The following RGS5 variants were observed in gnomAD, a reference collection of about 807,000 sequenced individuals.
RGS5 encodes the protein regulator of G protein signaling 5.
In RGS5, 20 loss-of-function variants were observed where a neutral mutation model predicts 18.9. The ratio of observed to expected loss-of-function variants is 1.06; its 90% CI spans 0.74 to 1.54. RGS5 has a LOEUF of 1.54. RGS5 is among the 40% of genes most tolerant of loss of function. The pLI is 0.00. For missense variants in RGS5, 201 were observed against 211.8 expected (o/e 0.95, Z 0.32); for synonymous variants, 57 against 76.2 (o/e 0.75, Z 1.31).
chr1:163,252,020 C>A (rs149561875), intron 2 of RGS5, among the ~76,000 whole-genome samples: 151 of 152,222 alleles, frequency 9.9e-4, no homozygotes, highest in African/African-American at 3.5e-3. Flanking sequence ...GATTAACACC[C>A]AGGAACATGA....
intron 2 of RGS5, among the ~76,000 whole-genome samples, chr1:163,292,780 C>CT (rs1649322651): frequency 1.3e-5 from 2 of 152,146 alleles, no homozygotes; most frequent in Admixed American, 6.6e-5. Flanking sequence ...TGGTATTGAG[C>CT]TTTTCTTCAT....
chr1:163,312,793 T>A (rs1649903983), intron 1 of RGS5, among the ~76,000 whole-genome samples: 1 of 152,228 alleles, frequency 6.6e-6, no homozygotes, highest in South Asian at 2.1e-4. Context: ...TGGTAAGTAA[T>A]CTGTCCTAAC....
intron 2 of RGS5, among the ~76,000 whole-genome samples, chr1:163,277,847 A>T (rs1366171437): frequency 6.6e-6 from 1 of 152,154 alleles, no homozygotes; most frequent in Non-Finnish European, 1.5e-5. Context: ...CCAATCAGAA[A>T]TCCTGGAACT....
intron 2 of RGS5, among the ~76,000 whole-genome samples, chr1:163,289,238 T>C (rs1379533275): frequency 6.6e-6 from 1 of 151,840 alleles, no homozygotes; most frequent in African/African-American, 2.4e-5. Flanking sequence ...TTTCTGCTTG[T>C]TTGTTCATAT....
chr1:163,220,614 T>C (rs1473555744), upstream of RGS5, among the ~76,000 whole-genome samples: 1 of 152,196 alleles, frequency 6.6e-6, no homozygotes, highest in African/African-American at 2.4e-5. Context: ...TGTGCTCTTG[T>C]GGTAGTCTGA....
At chr1:163,302,239 C>T (rs1649572113) in intron 2 of RGS5, among the ~76,000 whole-genome samples, 1 of 152,014 alleles carries the variant, frequency 6.6e-6, no homozygotes, top group African/African-American at 2.4e-5. Context: ...TACAGTGGTA[C>T]TTATAACTTC....
intron 1 of RGS5, among the ~76,000 whole-genome samples, chr1:163,178,115 C>A (rs1658643000): frequency 6.6e-6 from 1 of 152,050 alleles, no homozygotes; most frequent in Admixed American, 6.5e-5. Context: ...CCAGCCTAGA[C>A]AACATGGTGA....
At chr1:163,217,016 A>G (rs1337551475) in intron 1 of RGS5, among the ~76,000 whole-genome samples, 1 of 152,160 alleles carries the variant, frequency 6.6e-6, no homozygotes, top group Non-Finnish European at 1.5e-5. Flanking sequence ...TCTCACATAT[A>G]AGTGGAGGAT....
intron 1 of RGS5, among the ~76,000 whole-genome samples, chr1:163,199,131 G>A (rs1412397071): frequency 6.6e-6 from 1 of 152,048 alleles, no homozygotes; most frequent in Non-Finnish European, 1.5e-5. Flanking sequence ...GTAAAAATAA[G>A]GTATTAAATT....
At chr1:163,253,151 G>T (rs887712324) in intron 2 of RGS5, among the ~76,000 whole-genome samples, 2 of 152,112 alleles carry the variant, frequency 1.3e-5, no homozygotes, top group Non-Finnish European at 2.9e-5. Flanking sequence ...GGTGTTTTCT[G>T]CTTTTTCTAG....
At chr1:163,179,237 G>A (rs1004394176) in intron 1 of RGS5, among the ~76,000 whole-genome samples, 14 of 152,184 alleles carry the variant, frequency 9.2e-5, no homozygotes, top group African/African-American at 2.4e-4. Context: ...AAACTGCCCC[G>A]ATTCATCTTA....
intron 2 of RGS5, among the ~76,000 whole-genome samples, chr1:163,236,955 T>A: frequency 7.7e-6 from 1 of 130,462 alleles, no homozygotes; most frequent in African/African-American, 2.9e-5. Flanking sequence ...AGTGAGACTG[T>A]GTCTCAAAAA....
chr1:163,166,202 C>T (rs1658039738), intron 2 of RGS5, among the ~76,000 whole-genome samples: 1 of 151,890 alleles, frequency 6.6e-6, no homozygotes, highest in Non-Finnish European at 1.5e-5. Flanking sequence ...GGAAAAAGGG[C>T]TACTAAAAGT....
intron 2 of RGS5, chr1:163,260,696 C>T (rs1648411990): frequency 6.6e-6 from 1 of 151,158 alleles, no homozygotes; most frequent in African/African-American, 2.4e-5. Context: ...TATTAGTGAA[C>T]ACTCTAGATA....
At chr1:163,156,793 CA>C (rs1382499194) in intron 3 of RGS5, among the ~76,000 whole-genome samples, 8 of 152,176 alleles carry the variant, frequency 5.3e-5, no homozygotes, top group African/African-American at 1.7e-4. Flanking sequence ...CCCTTAATCT[CA>C]ATTTCATTTT....
At chr1:163,189,685 G>C (rs933469625) in intron 1 of RGS5, among the ~76,000 whole-genome samples, 2 of 152,162 alleles carry the variant, frequency 1.3e-5, no homozygotes, top group South Asian at 2.1e-4. Flanking sequence ...CAATTGCTTG[G>C]AGCAAAAGTT....
chr1:163,147,300 A>G lies in RGS5; in HGVS notation c.*42T>C. The G allele has an allele frequency of 6.5e-7, 1 of 1,536,154 alleles. No homozygotes were observed. The highest frequency in any genetic ancestry group is 8.8e-7 in the Non-Finnish European group (1 of 1,139,656). Reference sequence around the variant, plus strand: ...AATGGGAAATGCAGGGTTATTATGGAGGAAATAACTCACAGGATGATTTCA... The same window carrying G: ...AATGGGAAATGCAGGGTTATTATGGGGGAAATAACTCACAGGATGATTTCA... On this transcript the variant is annotated 3_prime_UTR_variant, in exon 5 of 5. Coordinates refer to ENST00000313961, the MANE Select transcript of RGS5 (RefSeq NM_003617.4).
chr1:163,197,267 G>A (rs1401742547), intron 1 of RGS5, among the ~76,000 whole-genome samples: 3 of 152,034 alleles, frequency 2.0e-5, no homozygotes, highest in African/African-American at 7.2e-5. Flanking sequence ...TGCACACACA[G>A]GCCTGTCCCC....
chr1:163,201,275 C>T (rs1010701610), intron 1 of RGS5, among the ~76,000 whole-genome samples: 6 of 152,058 alleles, frequency 3.9e-5, no homozygotes, highest in South Asian at 4.2e-4. Context: ...GTTTTCTGTG[C>T]GTTTCTGGAA....
Sources: allele counts gnomAD v4.1 joint callset (sites outside exome capture counted in the v4.1 genomes callset), GRCh38; gene constraint gnomAD v4.1.1; transcripts MANE v1.5; gene names NCBI Gene and HGNC (gene_info 2026-07-23, HGNC 2026-07-21).